Variants in MACROD2 observed in about 807,000 individuals in gnomAD.
The protein encoded by MACROD2 is ADP-ribose glycohydrolase MACROD2.
MACROD2 carries 36 observed loss-of-function variants against 70.4 expected under a neutral mutation model. The ratio of observed to expected loss-of-function variants is 0.51; its 90% CI spans 0.39 to 0.68. The LOEUF (loss-of-function observed/expected upper bound fraction) is 0.68. MACROD2 is among the 30% of genes least tolerant of loss of function. MACROD2 has a pLI of 0.00. For synonymous variants in MACROD2, 172 were observed against 178.8 expected (o/e 0.96, Z 0.30); for missense variants, 496 against 538.4 (o/e 0.92, Z 0.78).
At chr20:14,311,153 A>T (rs1259476628) in intron 3 of MACROD2, among the ~76,000 whole-genome samples, 1 of 152,184 alleles carries the variant, frequency 6.6e-6, no homozygotes, top group Non-Finnish European at 1.5e-5. Context: ...TTCACTCACC[A>T]CTTACTGACT....
At chr20:16,038,008 C>T (rs1477784986) in intron 15 of MACROD2, among the ~76,000 whole-genome samples, 1 of 151,490 alleles carries the variant, frequency 6.6e-6, no homozygotes, top group Admixed American at 6.6e-5. Flanking sequence ...GTCATATTCT[C>T]TGAAAAATAT....
At chr20:15,964,959 G>T (rs1483824559) in intron 12 of MACROD2, among the ~76,000 whole-genome samples, 1 of 152,166 alleles carries the variant, frequency 6.6e-6, no homozygotes, top group African/African-American at 2.4e-5. Flanking sequence ...TGGGTTTGGT[G>T]GTGGGTCGTG....
At chr20:14,233,300 G>A (rs1181223436) in intron 3 of MACROD2, among the ~76,000 whole-genome samples, 6 of 152,102 alleles carry the variant, frequency 3.9e-5, no homozygotes, top group African/African-American at 1.2e-4. Context: ...TTGATGCAGC[G>A]TTGCCACAGA....
intron 5 of MACROD2, among the ~76,000 whole-genome samples, chr20:14,909,137 G>C (rs2073995451): frequency 1.3e-5 from 2 of 152,172 alleles, no homozygotes; most frequent in Non-Finnish European, 2.9e-5. Flanking sequence ...ATTAAGAAGA[G>C]TTAGAGGCAT....
At chr20:15,382,972 T>C (rs1222697151) in intron 6 of MACROD2, among the ~76,000 whole-genome samples, 1 of 152,204 alleles carries the variant, frequency 6.6e-6, no homozygotes, top group Non-Finnish European at 1.5e-5. Context: ...TCAGGTGAAC[T>C]CTAGATTTTT....
At chr20:14,039,240 G>GAC (rs2053356498) in intron 2 of MACROD2, among the ~76,000 whole-genome samples, 1 of 152,126 alleles carries the variant, frequency 6.6e-6, no homozygotes, top group African/African-American at 2.4e-5. Flanking sequence ...CCATCCTAGA[G>GAC]ACCATGAAGG....
intron 5 of MACROD2, among the ~76,000 whole-genome samples, chr20:14,969,012 T>C (rs2074665004): frequency 6.6e-6 from 1 of 152,290 alleles, no homozygotes; most frequent in East Asian, 1.9e-4. Flanking sequence ...GTGAGATGAC[T>C]TTTGATAGTA....
At chr20:16,004,608 C>T (rs2066761805) in intron 15 of MACROD2, among the ~76,000 whole-genome samples, 1 of 152,228 alleles carries the variant, frequency 6.6e-6, no homozygotes, top group Non-Finnish European at 1.5e-5. Context: ...CTCACACTAG[C>T]TCTCTTATAC....
intron 5 of MACROD2, among the ~76,000 whole-genome samples, chr20:14,919,761 C>T (rs139025406): frequency 6.6e-6 from 1 of 152,148 alleles, no homozygotes; most frequent in Non-Finnish European, 1.5e-5. Flanking sequence ...AACACCGGCC[C>T]TAAATTAAAC....
chr20:15,061,456 C>T (rs2075532301), intron 5 of MACROD2, among the ~76,000 whole-genome samples: 1 of 152,176 alleles, frequency 6.6e-6, no homozygotes, highest in African/African-American at 2.4e-5. Flanking sequence ...CTCTAGTAGC[C>T]TGCAGTGGTA....
chr20:14,248,382 G>A (rs961900991), intron 3 of MACROD2, among the ~76,000 whole-genome samples: 13 of 152,102 alleles, frequency 8.5e-5, no homozygotes, highest in Admixed American at 2.0e-4. Flanking sequence ...TCAAGAGTTC[G>A]AGACCAGCCT....
intron 5 of MACROD2, among the ~76,000 whole-genome samples, chr20:14,958,667 A>G (rs1038517101): frequency 6.6e-6 from 1 of 152,160 alleles, no homozygotes; most frequent in Non-Finnish European, 1.5e-5. Context: ...CCAAATCAGT[A>G]TGTAACCTAT....
rs144441580 is a variant in MACROD2 at position 15,736,909 on chromosome 20, T to G, written c.646-125836T>G. On this transcript the variant is annotated intron_variant, in intron 8 of 17. Transcript: ENST00000684519. Reference sequence around the variant, plus strand: ...TATTGTAATAAAAGTCACAAAAGATTTTTGAGTTGAGGCTAGTATTTTTAA... The same window carrying G: ...TATTGTAATAAAAGTCACAAAAGATGTTTGAGTTGAGGCTAGTATTTTTAA... Among the ~76,000 whole-genome samples the G allele has an allele frequency of 8.9e-4, 135 of 152,246 alleles. 2 individuals are homozygous for G. The East Asian group carries it at 0.022, about 25-fold the overall frequency.
At chr20:14,728,617 G>C (rs1295394546) in intron 5 of MACROD2, among the ~76,000 whole-genome samples, 1 of 152,110 alleles carries the variant, frequency 6.6e-6, no homozygotes, top group Non-Finnish European at 1.5e-5. Context: ...GAATAATTTA[G>C]AAGTTGATGC....
intron 5 of MACROD2, among the ~76,000 whole-genome samples, chr20:14,948,062 T>C (rs1394054875): frequency 6.6e-6 from 1 of 152,208 alleles, no homozygotes; most frequent in Admixed American, 6.5e-5. Flanking sequence ...ATCAGAGGAC[T>C]GTCATCAGCT....
chr20:15,368,602 C>A (rs1415888671), intron 6 of MACROD2, among the ~76,000 whole-genome samples: 1 of 151,810 alleles, frequency 6.6e-6, no homozygotes, highest in Non-Finnish European at 1.5e-5. Context: ...GCTGGGATTA[C>A]AGGAGCGCAC....
chr20:15,415,891 GA>G (rs887646613), intron 6 of MACROD2, among the ~76,000 whole-genome samples: 142 of 152,286 alleles, frequency 9.3e-4, no homozygotes, highest in Admixed American at 4.1e-3. Flanking sequence ...TACTCTTAGT[GA>G]ATCCTAGGTT....
At chr20:14,645,302 G>A (rs1034125738) in intron 4 of MACROD2, among the ~76,000 whole-genome samples, 2 of 151,998 alleles carry the variant, frequency 1.3e-5, no homozygotes, top group East Asian at 1.9e-4. Flanking sequence ...CATTGTAGTT[G>A]AATGAATGAA....
At chr20:15,705,430 T>G (rs1381097426) in intron 8 of MACROD2, among the ~76,000 whole-genome samples, 1 of 150,806 alleles carries the variant, frequency 6.6e-6, no homozygotes, top group Non-Finnish European at 1.5e-5. Context: ...CCCAAAGCAT[T>G]TTTTTTTTAA....
Sources: allele counts gnomAD v4.1 joint callset (sites outside exome capture counted in the v4.1 genomes callset), GRCh38; gene constraint gnomAD v4.1.1; transcripts MANE v1.5; gene names NCBI Gene and HGNC (gene_info 2026-07-23, HGNC 2026-07-21).